The following SLC6A16 variants were observed in gnomAD, a reference collection of about 807,000 sequenced individuals.
SLC6A16 encodes the protein orphan sodium- and chloride-dependent neurotransmitter transporter NTT5.
SLC6A16 carries 54 observed loss-of-function variants against 65.4 expected under a neutral mutation model. The ratio of observed to expected loss-of-function variants is 0.83; its 90% CI spans 0.66 to 1.04. The LOEUF (loss-of-function observed/expected upper bound fraction) is 1.04, where lower values mean the gene tolerates loss of function less well. Among genes scored for constraint, SLC6A16 ranks in the 50% least tolerant of loss-of-function variants. The probability of loss-of-function intolerance (pLI) is 0.00; values close to 1 mark genes in which losing one functional copy is unlikely to be tolerated. For missense variants in SLC6A16, 816 were observed against 914.0 expected (o/e 0.89, Z 1.38); for synonymous variants, 330 against 346.5 (o/e 0.95, Z 0.53).
At position 49,290,173 on chromosome 19, in the gene SLC6A16, G is replaced by C. The variant is rs751999319; in HGVS notation, c.2161C>G (p.Leu721Val). 1.2e-6 allele frequency: 2 copies of C among 1,614,144 alleles called. No homozygotes were observed. Among genetic ancestry groups the C allele is most frequent in the Admixed American group, 1.7e-5 (1 of 60,016 alleles). Residue 721 changes from leucine (L) to valine (V), a missense_variant, in exon 12 of 12, where the codon CTA becomes GTA. Physicochemically the swap from Leu to Val is conservative, Grantham distance 32. Transcript: ENST00000335875. ...PSKEVQKEEI[L>V]QVDETKYPST... is the part of the protein sequence containing the mutation. ...GGGTACTTTGTTTCATCAACTTGTA[G>C]AATTTCTTCCTTTTGAACCTCTTTA... is the stretch of plus-strand genomic sequence containing the variant.
At chr19:49,303,338 A>T (rs354014) in intron 7 of SLC6A16, among the ~76,000 whole-genome samples, 106,247 of 152,010 alleles carry the variant, frequency 0.7, 37,466 homozygotes, top group East Asian at 0.83. Flanking sequence ...AAAAAATCTG[A>T]CAACCAAGAA....
chr19:49,317,677 G>A (rs1970636919), intron 1 of SLC6A16, among the ~76,000 whole-genome samples: 3 of 151,670 alleles, frequency 2.0e-5, no homozygotes, highest in Admixed American at 1.3e-4. Context: ...ATGGTGGCGG[G>A]CGCCTGTAGT....
rs998007396 is a variant in SLC6A16, at chr19:49,289,807, C to T, written c.*316G>A. The T allele has an allele frequency of 1.9e-5, 6 of 318,976 alleles. No homozygotes were observed. Among genetic ancestry groups the T allele is most frequent in the Non-Finnish European group, 3.5e-5 (6 of 173,586 alleles). The allele number at this position is 318,976 out of a possible 1,614,324, so 19.8% of individuals were successfully genotyped here. A position where few individuals can be genotyped will look rare whatever the true frequency, so the allele number is the denominator to read the frequency against. ...TGATTTATTCACCAACAGCATTGCT[C>T]CTCCAGCTCCATTCCAGGAGACAGG... On this transcript the variant is annotated 3_prime_UTR_variant, in exon 12 of 12. Transcript: ENST00000335875.
chr19:49,333,870 T>C, the SLC6A16 span, among the ~76,000 whole-genome samples: 2 of 152,210 alleles, frequency 1.3e-5, no homozygotes, highest in African/African-American at 4.8e-5. Flanking sequence ...CAGAGGCCAC[T>C]GGGTGTGCAC....
chr19:49,319,941 G>A (rs191552068), intron 1 of SLC6A16, among the ~76,000 whole-genome samples: 34 of 152,164 alleles, frequency 2.2e-4, no homozygotes, highest in Non-Finnish European at 3.2e-4. Flanking sequence ...TTACAAATTT[G>A]TAGAAATTAA....
chr19:49,337,749 C>T, the SLC6A16 span: 12 of 1,536,460 alleles, frequency 7.8e-6, no homozygotes, highest in Admixed American at 2.0e-5. Context: ...GACTTATGAG[C>T]CGTAGAAATA....
intron 7 of SLC6A16, among the ~76,000 whole-genome samples, chr19:49,304,420 A>G (rs1437533987): frequency 2.6e-5 from 4 of 152,344 alleles, no homozygotes; most frequent in Admixed American, 1.3e-4. Context: ...CTCTGTAGTC[A>G]AGGAAAATTA....
chr19:49,337,124 G>C, the SLC6A16 span: 7 of 1,614,128 alleles, frequency 4.3e-6, no homozygotes, highest in South Asian at 7.7e-5. Context: ...TGGTCAGCCT[G>C]ATCTCTCCAC....
chr19:49,293,653 A>C (rs1457193565), intron 9 of SLC6A16, among the ~76,000 whole-genome samples, 174 bp downstream of exon 9: 1 of 152,088 alleles, frequency 6.6e-6, no homozygotes, highest in Non-Finnish European at 1.5e-5. Context: ...GGTCCCAACT[A>C]CTGGGGAGGC....
In SLC6A16 at chr19:49,290,645, C is replaced by A. The variant is rs1213827750; in HGVS notation, c.1901G>T (p.Cys634Phe). ...GGACATGTAGGTGATCGGCTTCATA[C>A]AAAGATGAACCATCATGGTCACAAA... ...IIFVTMMVHL[C>F]MKPITYMSWD... The change falls in exon 11 of 12, where the codon TGT (cysteine) becomes TTT (phenylalanine). Residue 634 changes from cysteine to phenylalanine, a missense_variant. Transcript: ENST00000335875. 6.2e-7 allele frequency: 1 copy of A among 1,613,930 alleles called. No homozygotes were observed. Among genetic ancestry groups the A allele is most frequent in the Non-Finnish European group, 8.5e-7 (1 of 1,179,994 alleles).
chr19:49,319,382 C>T (rs995406383), intron 1 of SLC6A16, among the ~76,000 whole-genome samples: 4 of 151,422 alleles, frequency 2.6e-5, no homozygotes, highest in Non-Finnish European at 5.9e-5. Flanking sequence ...TTCTTTACTC[C>T]TCCCTAATTC....
At chr19:49,316,952 G>A (rs1211909973) in intron 1 of SLC6A16, among the ~76,000 whole-genome samples, 3 of 150,798 alleles carry the variant, frequency 2.0e-5, no homozygotes, top group African/African-American at 4.9e-5. Flanking sequence ...GGAGAGGATC[G>A]CTTGAGCCCA....
In SLC6A16 at chr19:49,310,061, T is replaced by G; in HGVS notation, c.679A>C (p.Thr227Pro). 2.5e-6 allele frequency: 4 copies of G among 1,614,054 alleles called. No individual in the cohort carries two copies. The highest frequency in any genetic ancestry group is 3.4e-6 in the Non-Finnish European group (4 of 1,180,002). Residue 227 changes from threonine (T) to proline (P), a missense_variant, in exon 4 of 12, where the codon ACG (threonine) becomes CCG (proline). Thr to Pro is a conservative substitution (Grantham distance 38). Transcript: ENST00000335875. ...TCACCAAAGCCACTAGAGTTCATCG[T>G]TAAGGGACATTTCTCCCATGGAACG... is the stretch of plus-strand genomic sequence containing the variant. Reference protein sequence around the residue: ...FPVPWEKCPLTMNSSGFDPEC... With the variant: ...FPVPWEKCPLPMNSSGFDPEC...
the SLC6A16 span, chr19:49,335,188 C>G: frequency 3.6e-6 from 1 of 277,606 alleles, no homozygotes; most frequent in Admixed American, 5.0e-5. The surrounding 1 kb of genome is among the most constrained non-coding windows in gnomAD (Gnocchi z 4.6). Flanking sequence ...GAGGTGGGTT[C>G]CAGTAGATCA....
rs1174281198 is a variant in SLC6A16 at position 49,294,548 on chromosome 19, G to T, written c.1235C>A (p.Ala412Asp). ...VITHRCCERN[A>D]EILLKLINLG... ...GTTTATCAGCTTTAAAAGTATTTCA[G>T]CATTCCTGGGGATAGAGGGTTGAAT... The change falls in exon 8 of 12, where the codon GCT (alanine) becomes GAT (aspartate). Residue 412 changes from alanine to aspartate, a missense_variant. Physicochemically the swap from Ala to Asp is moderately radical, Grantham distance 126. Transcript: ENST00000335875. 2 of 1,604,764 alleles carry T rather than the reference G, an allele frequency of 1.2e-6. No individual in the cohort carries two copies. The highest frequency in any genetic ancestry group is 1.7e-6 in the Non-Finnish European group (2 of 1,175,500).
At chr19:49,337,587 T>C in the SLC6A16 span, 1 of 1,335,736 alleles carries the variant, frequency 7.5e-7, no homozygotes. Context: ...TCAGCCTGGG[T>C]GACAGAGTGA....
the SLC6A16 span, among the ~76,000 whole-genome samples, chr19:49,330,639 G>C: frequency 2.0e-5 from 3 of 152,072 alleles, no homozygotes; most frequent in Non-Finnish European, 2.9e-5. Context: ...CACCAGGAAG[G>C]CTTGTTAAAA....
At chr19:49,337,009 G>A in the SLC6A16 span, 128 of 1,613,476 alleles carry the variant, frequency 7.9e-5, no homozygotes, top group Non-Finnish European at 1.0e-4. Flanking sequence ...GGGCCCTCAA[G>A]GAGCTCCGCT....
the SLC6A16 span, chr19:49,339,007 A>G: frequency 7.0e-5 from 86 of 1,233,070 alleles, no homozygotes; most frequent in African/African-American, 1.3e-3. This position sits in a 1 kb window ranked among gnomAD's most constrained non-coding sequence, Gnocchi z 4.5. Context: ...GCTGTCAGTG[A>G]GTAGCGGCCT....
Sources: gnomAD v4.1 joint callset for allele counts (sites outside exome capture counted in the v4.1 genomes callset) on GRCh38, gnomAD v4.1.1 for gene constraint, Gnocchi (gnomAD v3.1) non-coding constraint, MANE v1.5 for transcripts, NCBI Gene and HGNC (gene_info 2026-07-23, HGNC 2026-07-21) for gene names.